BEAN1: variants seen among roughly 807,000 people sequenced by gnomAD.
BEAN1 encodes protein BEAN1.
Under a neutral mutation model 17.7 loss-of-function variants are expected in BEAN1, and 17 were observed. The observed-to-expected ratio is 0.96, with a 90% CI of 0.66 to 1.44. BEAN1 has a LOEUF of 1.44. Among genes scored for constraint, BEAN1 ranks in the 40% most tolerant of loss-of-function variants. The pLI, the probability that BEAN1 is intolerant of heterozygous loss-of-function variation, is 0.00. For missense variants in BEAN1, 359 were observed against 374.1 expected (o/e 0.96, Z 0.33); for synonymous variants, 142 against 151.8 (o/e 0.94, Z 0.47).
At chr16:66,479,459 C>T (rs1963901512) in intron 4 of BEAN1, among the ~76,000 whole-genome samples, 1 of 151,542 alleles carries the variant, frequency 6.6e-6, no homozygotes, top group African/African-American at 2.4e-5. Context: ...AGTGCCTGGA[C>T]AGGGCTGGGT....
downstream of BEAN1, among the ~76,000 whole-genome samples, chr16:66,495,252 AC>A (rs1458821647): frequency 1.3e-5 from 2 of 152,168 alleles, no homozygotes; most frequent in African/African-American, 4.8e-5. Context: ...AGCACAGGGC[AC>A]GCTGGTTATC....
chr16:66,468,039 T>C (rs1053625094), intron 2 of BEAN1, among the ~76,000 whole-genome samples: 11 of 152,318 alleles, frequency 7.2e-5, no homozygotes, highest in Middle Eastern at 3.4e-3. Context: ...AAGCCTCTGA[T>C]TGGTAGATGG....
intron 2 of BEAN1, among the ~76,000 whole-genome samples, chr16:66,443,304 T>C (rs971735221): frequency 7.9e-5 from 12 of 152,232 alleles, no homozygotes; most frequent in Non-Finnish European, 1.3e-4. Context: ...GTGGCCTCCT[T>C]GCTTCCTTGA....
At chr16:66,438,688 C>T (rs1029224783) in intron 2 of BEAN1, among the ~76,000 whole-genome samples, 1 of 152,108 alleles carries the variant, frequency 6.6e-6, no homozygotes, top group Non-Finnish European at 1.5e-5. Flanking sequence ...AAGACTGCAG[C>T]CCCCTCGACT....
chr16:66,475,731 T>C (rs1451148762), intron 3 of BEAN1: 1 of 152,236 alleles, frequency 6.6e-6, no homozygotes, highest in African/African-American at 2.4e-5. Context: ...GCATATGTTA[T>C]TGACTTCATT....
intron 1 of BEAN1, among the ~76,000 whole-genome samples, chr16:66,431,502 C>T (rs1352376165): frequency 6.6e-6 from 1 of 152,118 alleles, no homozygotes; most frequent in Non-Finnish European, 1.5e-5. Context: ...TCCTTAATCC[C>T]ACCATCGCCC....
At chr16:66,489,041 G>A (rs1244503094) in intron 4 of BEAN1, among the ~76,000 whole-genome samples, 2 of 151,878 alleles carry the variant, frequency 1.3e-5, no homozygotes, top group Admixed American at 6.6e-5. Flanking sequence ...GCGTGGTGGC[G>A]GGCACCTGTA....
chr16:66,438,002 A>C, intron 2 of BEAN1: 2 of 479,474 alleles, frequency 4.2e-6, no homozygotes, highest in Non-Finnish European at 3.8e-6. Context: ...ACACAAATAA[A>C]AGACTACATG....
At chr16:66,452,444 G>A (rs961950135) in intron 2 of BEAN1, among the ~76,000 whole-genome samples, 16 of 152,318 alleles carry the variant, frequency 1.1e-4, no homozygotes, top group Admixed American at 1.0e-3. Context: ...CATGCCTTTT[G>A]TAGGCCTCTG....
chr16:66,450,641 A>G (rs1336302051), intron 2 of BEAN1, among the ~76,000 whole-genome samples: 1 of 152,148 alleles, frequency 6.6e-6, no homozygotes, highest in Admixed American at 6.5e-5. Context: ...TCGCTTGAGC[A>G]TAGGAGTTCA....
downstream of BEAN1, among the ~76,000 whole-genome samples, chr16:66,486,845 G>A (rs1964096138): frequency 2.0e-5 from 3 of 152,332 alleles, no homozygotes; most frequent in South Asian, 6.2e-4. Flanking sequence ...AATGAGCTGG[G>A]CAGTGAGTCA....
intron 2 of BEAN1, among the ~76,000 whole-genome samples, chr16:66,441,069 C>T (rs541370641): frequency 5.9e-5 from 9 of 152,216 alleles, no homozygotes; most frequent in African/African-American, 2.2e-4. Flanking sequence ...TCTGCGTGTT[C>T]ACTTGTTCGT....
chr16:66,444,806 T>C (rs1389424321), intron 2 of BEAN1, among the ~76,000 whole-genome samples: 1 of 152,106 alleles, frequency 6.6e-6, no homozygotes, highest in East Asian at 1.9e-4. Context: ...GGGCTTGAGC[T>C]AATATGTGCC....
rs561638646 is a variant in BEAN1, at chr16:66,480,636, A to G, written c.491A>G (p.Asp164Gly). 1.7e-5 allele frequency: 27 copies of G among 1,551,022 alleles called. No homozygotes were observed. The East Asian group carries it at 5.9e-4, about 34-fold the overall frequency. Residue 164 changes from aspartate (D) to glycine (G), a missense_variant, in exon 5 of 5, where the codon GAC (aspartate) becomes GGC (glycine). Physicochemically the swap from Asp to Gly is moderately conservative, Grantham distance 94 (BLOSUM62 -1). Coordinates refer to ENST00000536005, the MANE Select transcript of BEAN1 (RefSeq NM_001178020.3). ...PGATQLYVPT[D>G]APPPYSLTDS... ...GCCACTCAGCTGTATGTCCCCACGG[A>G]CGCACCACCACCCTACTCGCTGACT...
chr16:66,435,295 G>T (rs1277002782), intron 1 of BEAN1, among the ~76,000 whole-genome samples: 5 of 152,092 alleles, frequency 3.3e-5, no homozygotes, highest in Non-Finnish European at 7.4e-5. Flanking sequence ...ACCTTGGATG[G>T]GTTATTTCCC....
chr16:66,464,060 C>T (rs2142420972), intron 2 of BEAN1, among the ~76,000 whole-genome samples: 1 of 152,276 alleles, frequency 6.6e-6, no homozygotes, highest in South Asian at 2.1e-4. Flanking sequence ...TCAGGAAATG[C>T]GTCCCCTCCA....
chr16:66,440,380 G>A (rs935607485), intron 2 of BEAN1, among the ~76,000 whole-genome samples: 3 of 151,968 alleles, frequency 2.0e-5, no homozygotes, highest in South Asian at 2.1e-4. Context: ...ATCTGCCTGC[G>A]TTGGCCTCCC....
intron 2 of BEAN1, among the ~76,000 whole-genome samples, chr16:66,455,050 T>C (rs1962815822): frequency 6.6e-6 from 1 of 152,222 alleles, no homozygotes; most frequent in Non-Finnish European, 1.5e-5. Flanking sequence ...GCAATGGTAC[T>C]TTGACAGTTT....
At chr16:66,449,964 T>A (rs1323192454) in intron 2 of BEAN1, among the ~76,000 whole-genome samples, 2 of 152,214 alleles carry the variant, frequency 1.3e-5, no homozygotes, top group Admixed American at 6.5e-5. Flanking sequence ...ATTACTGAAT[T>A]TGTATATTCA....
Sources: gnomAD v4.1 joint callset for allele counts (sites outside exome capture counted in the v4.1 genomes callset) on GRCh38, gnomAD v4.1.1 for gene constraint, MANE v1.5 for transcripts, NCBI Gene and HGNC (gene_info 2026-07-23, HGNC 2026-07-21) for gene names.